The following GRK3 variants were observed in gnomAD, a reference collection of about 807,000 sequenced individuals.
GRK3 encodes the protein G protein-coupled receptor kinase 3.
GRK3 carries 54 observed loss-of-function variants against 95.7 expected under a neutral mutation model. The ratio of observed to expected loss-of-function variants is 0.56; its 90% CI spans 0.45 to 0.71. The LOEUF is 0.71. GRK3 is among the 30% of genes least tolerant of loss of function. The pLI is 0.00. For missense variants in GRK3, 649 were observed against 851.2 expected (o/e 0.76, Z 2.96); for synonymous variants, 281 against 290.8 (o/e 0.97, Z 0.34).
chr22:25,677,883 A>G (rs774129132), intron 8 of GRK3, among the ~76,000 whole-genome samples: 1 of 152,216 alleles, frequency 6.6e-6, no homozygotes. Flanking sequence ...AGAATATGCC[A>G]TATAACTTGT....
Position 25,567,194 on chromosome 22 carries a change from A to C in GRK3, c.113+2041A>C, listed in dbSNP as rs145123363. 2.1e-3 allele frequency among the ~76,000 whole-genome samples: 316 copies of C among 152,336 alleles called. 1 individual carries two copies. Among genetic ancestry groups the C allele is most frequent in the African/African-American group, 7.4e-3 (307 of 41,574 alleles). ...GAGTAATTTTAGGAAACAGCCCTTC[A>C]GTAATTGTTACTCTGTTGCTCTTTT... On this transcript the variant is annotated intron_variant, in intron 1 of 20. Coordinates refer to ENST00000324198, the MANE Select transcript of GRK3 (RefSeq NM_005160.4).
chr22:25,597,053 C>T (rs1433249733), intron 1 of GRK3, among the ~76,000 whole-genome samples: 4 of 152,136 alleles, frequency 2.6e-5, no homozygotes, highest in African/African-American at 9.7e-5. Context: ...TACACACTTC[C>T]CTGCCTTTCA....
At chr22:25,696,953 T>C (rs1184602245) in intron 13 of GRK3, among the ~76,000 whole-genome samples, 1 of 152,252 alleles carries the variant, frequency 6.6e-6, no homozygotes, top group East Asian at 1.9e-4. Context: ...CCATTTCCCC[T>C]ATGAGATGCT....
At chr22:25,690,362 C>A (rs1601529611) in intron 12 of GRK3, 79 bp downstream of exon 12, 1 of 1,014,168 alleles carries the variant, frequency 9.9e-7, no homozygotes. Flanking sequence ...CACCCCATTT[C>A]TCTTACCAGT....
intron 13 of GRK3, among the ~76,000 whole-genome samples, chr22:25,697,674 G>A (rs565651835): frequency 9.2e-5 from 14 of 152,336 alleles, no homozygotes; most frequent in Admixed American, 3.3e-4. Context: ...TAACTCCAGA[G>A]GGATGCATTT....
chr22:25,610,231 G>A (rs1172890826), intron 2 of GRK3, among the ~76,000 whole-genome samples: 7 of 152,132 alleles, frequency 4.6e-5, no homozygotes, highest in Non-Finnish European at 8.8e-5. Flanking sequence ...GGAAGTCTGA[G>A]GCAGGAGGAT....
At chr22:25,715,050 C>G (rs1051811044) in intron 18 of GRK3, 1 of 152,786 alleles carries the variant, frequency 6.5e-6, no homozygotes, top group African/African-American at 2.4e-5. Context: ...GAACTTAGCA[C>G]GACATGTCAC....
intron 13 of GRK3, among the ~76,000 whole-genome samples, chr22:25,697,377 T>C (rs1031855818): frequency 1.3e-5 from 2 of 152,250 alleles, no homozygotes; most frequent in African/African-American, 2.4e-5. Flanking sequence ...TTTGGCATAC[T>C]GAACTGGAAG....
At chr22:25,648,436 GACTAGAGGTTAA>G in intron 3 of GRK3, 2 of 1,283,772 alleles carry the variant, frequency 1.6e-6, no homozygotes, top group African/African-American at 2.9e-5. Context: ...TAATCTTTGC[GACTAGAGGTTAA>G]ACTAGGACAA....
At chr22:25,643,842 G>T (rs2084760653) in intron 2 of GRK3, among the ~76,000 whole-genome samples, 2 of 152,238 alleles carry the variant, frequency 1.3e-5, no homozygotes, top group African/African-American at 4.8e-5. Flanking sequence ...CACCTACTGT[G>T]TACCAGGCAT....
chr22:25,667,901 G>GC, intron 6 of GRK3, 101 bp downstream of exon 6: 1 of 696,666 alleles, frequency 1.4e-6, no homozygotes, highest in South Asian at 1.7e-5. Context: ...TAATCATTTA[G>GC]CAAGTATTCA....
At chr22:25,624,919 CTT>C (rs552338056) in intron 2 of GRK3, among the ~76,000 whole-genome samples, 13 of 142,146 alleles carry the variant, frequency 9.1e-5, no homozygotes, top group Non-Finnish European at 1.1e-4. Flanking sequence ...TGATGAATCT[CTT>C]TTTTTTTTTT....
At chr22:25,582,427 A>C (rs1009323266) in intron 1 of GRK3, among the ~76,000 whole-genome samples, 2 of 152,220 alleles carry the variant, frequency 1.3e-5, no homozygotes, top group Non-Finnish European at 2.9e-5. Context: ...TAGACAGGAA[A>C]ACTCGACATT....
intron 1 of GRK3, 86 bp from the exon 2 acceptor site, chr22:25,604,291 C>A (rs2084428950): frequency 8.3e-6 from 8 of 969,510 alleles, no homozygotes; most frequent in Non-Finnish European, 1.2e-5. Flanking sequence ...GATATGAAGT[C>A]AAGACATCCG....
At chr22:25,580,054 C>T (rs1211065515) in intron 1 of GRK3, among the ~76,000 whole-genome samples, 1 of 152,152 alleles carries the variant, frequency 6.6e-6, no homozygotes, top group Non-Finnish European at 1.5e-5. Context: ...AAAAGTATTC[C>T]TGCCCCCAAA....
At chr22:25,715,567 C>T (rs1038538351) in intron 18 of GRK3, among the ~76,000 whole-genome samples, 2 of 152,014 alleles carry the variant, frequency 1.3e-5, no homozygotes, top group African/African-American at 4.8e-5. Flanking sequence ...CCCTACTAAA[C>T]ATAACATCAA....
intron 1 of GRK3, among the ~76,000 whole-genome samples, chr22:25,577,277 A>G (rs1458623114): frequency 6.6e-5 from 10 of 151,606 alleles, no homozygotes; most frequent in Admixed American, 5.3e-4. Context: ...GGTTCAACTG[A>G]TTCTCCTGCC....
intron 3 of GRK3, among the ~76,000 whole-genome samples, chr22:25,655,010 C>T (rs1432048948): frequency 1.3e-5 from 2 of 152,148 alleles, no homozygotes. Flanking sequence ...TAAGTCAATG[C>T]AGCCTTTACA....
chr22:25,703,991 T>A (rs1181970064), intron 14 of GRK3, 118 bp from the exon 15 acceptor site: 1 of 694,968 alleles, frequency 1.4e-6, no homozygotes, highest in African/African-American at 1.8e-5. Flanking sequence ...TATTAATTCA[T>A]AATGAGGCTG....
Sources: allele counts gnomAD v4.1 joint callset (sites outside exome capture counted in the v4.1 genomes callset), GRCh38; gene constraint gnomAD v4.1.1; transcripts MANE v1.5; gene names NCBI Gene and HGNC (gene_info 2026-07-23, HGNC 2026-07-21).